DNAAF6: variants seen among roughly 807,000 people sequenced by gnomAD.
DNAAF6 encodes the protein dynein axonemal assembly factor 6, also known as PIH1 domain containing 3.
In DNAAF6, 3 loss-of-function variants were observed where a neutral mutation model predicts 13.7. That is an observed-to-expected ratio of 0.22 (90% CI 0.10 to 0.56). The LOEUF is 0.56. Ranked by LOEUF, DNAAF6 falls within the 20% of genes least tolerant of loss-of-function variation. The pLI, the probability that DNAAF6 is intolerant of heterozygous loss-of-function variation, is 0.92. For synonymous variants in DNAAF6, 54 were observed against 49.2 expected, an observed-to-expected ratio of 1.10 and a Z score of -0.41; for missense variants, 130 against 151.0, an observed-to-expected ratio of 0.86 and a Z score of 0.73.
At chrX:107,241,266 G>T (rs1402456147) in intron 6 of DNAAF6, among the ~76,000 whole-genome samples, 1 of 111,658 alleles carries the variant, frequency 9.0e-6, no homozygotes, top group Non-Finnish European at 1.9e-5. Context: ...TCACTGTAGA[G>T]ATTTTTTTTG....
intron 2 of DNAAF6, among the ~76,000 whole-genome samples, chrX:107,213,465 CAG>C (rs1927907752): frequency 8.9e-6 from 1 of 112,093 alleles, no homozygotes; most frequent in African/African-American, 3.2e-5. Context: ...TAACGCAGAA[CAG>C]AAAGTTTTTG....
intron 5 of DNAAF6, among the ~76,000 whole-genome samples, chrX:107,235,290 T>C: frequency 8.9e-6 from 1 of 111,937 alleles, no homozygotes; most frequent in Middle Eastern, 4.6e-3. Context: ...AAGTTAGTGA[T>C]GGATACTGGG....
chrX:107,237,155 T>C (rs1928531761), intron 5 of DNAAF6, among the ~76,000 whole-genome samples: 1 of 112,449 alleles, frequency 8.9e-6, no homozygotes. Flanking sequence ...CACAAGCATG[T>C]ATTGCTCCAA....
At chrX:107,221,575 G>A (rs1483256129) in intron 4 of DNAAF6, among the ~76,000 whole-genome samples, 5 of 111,597 alleles carry the variant, frequency 4.5e-5, no homozygotes, top group Non-Finnish European at 1.9e-5. Flanking sequence ...GGGACATCCA[G>A]GCAAACCTTT....
Position 107,243,307 on chromosome X carries a change from G to T in DNAAF6, c.*9G>T. ...TTGCTAATTTCTTCTGAAACTGCATGAAAAAGATAAAAAGTAGTAAAATGG... is the reference window on the plus strand; with the variant it reads ...TTGCTAATTTCTTCTGAAACTGCATTAAAAAGATAAAAAGTAGTAAAATGG... On this transcript the variant is annotated 3_prime_UTR_variant, in exon 7 of 7. Transcript: ENST00000372453. 1 of 1,188,714 alleles carries T rather than the reference G, an allele frequency of 8.4e-7. No homozygotes were observed. The highest frequency in any genetic ancestry group is 1.1e-6 in the Non-Finnish European group (1 of 886,933).
At chrX:107,220,121 G>A (rs1015634225) in intron 4 of DNAAF6, among the ~76,000 whole-genome samples, 12 of 111,940 alleles carry the variant, frequency 1.1e-4, no homozygotes, top group African/African-American at 3.2e-4. Context: ...TATAAAACAA[G>A]CAAATAAACA....
chrX:107,212,399 T>C (rs1927876030), intron 1 of DNAAF6, among the ~76,000 whole-genome samples: 1 of 111,300 alleles, frequency 9.0e-6, no homozygotes, highest in African/African-American at 3.3e-5. Context: ...CCACCTTCTA[T>C]AGGCCAGCGT....
chrX:107,220,384 CAA>C (rs1285129027), intron 4 of DNAAF6, among the ~76,000 whole-genome samples: 1 of 111,967 alleles, frequency 8.9e-6, no homozygotes, highest in Non-Finnish European at 1.9e-5. Context: ...TATTGTCTAA[CAA>C]ATGTCAAATA....
intron 6 of DNAAF6, among the ~76,000 whole-genome samples, chrX:107,239,914 G>A (rs895929948): frequency 1.8e-5 from 2 of 111,205 alleles, no homozygotes; most frequent in African/African-American, 3.3e-5. Context: ...TTTTATACAC[G>A]AATTTACTCT....
intron 3 of DNAAF6, among the ~76,000 whole-genome samples, chrX:107,216,985 T>C (rs1928006738): frequency 9.0e-6 from 1 of 111,260 alleles, no homozygotes; most frequent in Admixed American, 9.6e-5. Flanking sequence ...GTATACATAT[T>C]TCAGAACATC....
intron 2 of DNAAF6, among the ~76,000 whole-genome samples, chrX:107,214,447 T>G (rs1016068231): frequency 1.8e-5 from 2 of 111,783 alleles, no homozygotes; most frequent in African/African-American, 6.5e-5. Flanking sequence ...GGATTTACCC[T>G]GGTTACAGAG....
chrX:107,236,715 T>C (rs148968081), intron 5 of DNAAF6, among the ~76,000 whole-genome samples: 1,565 of 112,429 alleles, frequency 0.014, 11 homozygotes, highest in Middle Eastern at 0.028. Flanking sequence ...ATTGTATCTA[T>C]TTTTGTCTTT....
intron 3 of DNAAF6, among the ~76,000 whole-genome samples, chrX:107,218,297 G>GTA (rs1928039123): frequency 9.0e-6 from 1 of 110,651 alleles, no homozygotes; most frequent in South Asian, 3.8e-4. Flanking sequence ...AATGATCATT[G>GTA]TATCCACTGC....
At chrX:107,219,176 T>C (rs1048454249) in intron 4 of DNAAF6, among the ~76,000 whole-genome samples, 4 of 111,732 alleles carry the variant, frequency 3.6e-5, no homozygotes, top group Admixed American at 3.0e-4. Context: ...TTTCAGTTAC[T>C]ATCTAGCAAA....
intron 5 of DNAAF6, among the ~76,000 whole-genome samples, chrX:107,233,912 T>C (rs1187229124): frequency 8.9e-6 from 1 of 111,974 alleles, no homozygotes; most frequent in African/African-American, 3.2e-5. Context: ...ATATGGTAGT[T>C]ATGTGATAAG....
intron 5 of DNAAF6, among the ~76,000 whole-genome samples, chrX:107,233,691 GA>G (rs200707943): frequency 5.6e-5 from 6 of 108,019 alleles, no homozygotes; most frequent in East Asian, 2.9e-4. Flanking sequence ...AAATAGGAGA[GA>G]AAAAAAAACT....
At chrX:107,229,048 T>G (rs922920009) in intron 5 of DNAAF6, among the ~76,000 whole-genome samples, 1 of 107,286 alleles carries the variant, frequency 9.3e-6, no homozygotes, top group Admixed American at 1.0e-4. Context: ...TCCTCTAGTT[T>G]AAAAACACTG....
chrX:107,232,088 C>T (rs749503141), intron 5 of DNAAF6, among the ~76,000 whole-genome samples: 2 of 111,840 alleles, frequency 1.8e-5, no homozygotes, highest in South Asian at 7.6e-4. Context: ...AAACTCCTGA[C>T]GTGAAGTGAT....
At chrX:107,228,385 A>G (rs749209725) in intron 5 of DNAAF6, among the ~76,000 whole-genome samples, 10 of 110,547 alleles carry the variant, frequency 9.0e-5, no homozygotes, top group Non-Finnish European at 1.7e-4. Context: ...AGAGGAGGAG[A>G]ATGAGGAAAT....
Sources: gnomAD v4.1 joint callset for allele counts (sites outside exome capture counted in the v4.1 genomes callset) on GRCh38, gnomAD v4.1.1 for gene constraint, MANE v1.5 for transcripts, NCBI Gene and HGNC (gene_info 2026-07-23, HGNC 2026-07-21) for gene names.